Variants in PDGFD observed in about 807,000 individuals in gnomAD.
The protein encoded by PDGFD is platelet derived growth factor D.
In PDGFD, 30 loss-of-function variants were observed where a neutral mutation model predicts 44.7. That is an observed-to-expected ratio of 0.67 (90% CI 0.50 to 0.91). The LOEUF (loss-of-function observed/expected upper bound fraction) is 0.91, where lower values mean the gene tolerates loss of function less well. Among genes scored for constraint, PDGFD ranks in the 40% least tolerant of loss-of-function variants. The pLI, the probability that PDGFD is intolerant of heterozygous loss-of-function variation, is 0.00. For synonymous variants in PDGFD, 173 were observed against 168.4 expected, an observed-to-expected ratio of 1.03 and a Z score of -0.21; for missense variants, 445 against 457.8, an observed-to-expected ratio of 0.97 and a Z score of 0.25.
At chr11:104,105,678 C>T (rs1254779887) in intron 1 of PDGFD, among the ~76,000 whole-genome samples, 1 of 151,486 alleles carries the variant, frequency 6.6e-6, no homozygotes, top group East Asian at 1.9e-4. Context: ...TATAATTCAG[C>T]TGTGAAAGCC....
At chr11:104,132,110 A>G (rs1418119260) in intron 1 of PDGFD, among the ~76,000 whole-genome samples, 1 of 152,142 alleles carries the variant, frequency 6.6e-6, no homozygotes, top group Non-Finnish European at 1.5e-5. Flanking sequence ...AGTGTTAGAT[A>G]AAACTCTCTC....
At chr11:104,093,428 G>T (rs79053873) in intron 1 of PDGFD, among the ~76,000 whole-genome samples, 2 of 151,912 alleles carry the variant, frequency 1.3e-5, no homozygotes, top group Non-Finnish European at 2.9e-5. Flanking sequence ...GGAGCCAAGG[G>T]GTTCCTCTAG....
chr11:104,138,370 T>C (rs144325756), intron 1 of PDGFD, among the ~76,000 whole-genome samples: 42 of 152,354 alleles, frequency 2.8e-4, no homozygotes, highest in African/African-American at 9.1e-4. Context: ...GATTTCACTA[T>C]ATAGCTCATT....
intron 6 of PDGFD, 142 bp from the exon 7 acceptor site, chr11:103,909,961 C>T (rs1858002003): frequency 1.0e-6 from 1 of 953,456 alleles, no homozygotes; most frequent in African/African-American, 1.6e-5. Flanking sequence ...TTAGAATGCA[C>T]ACGTTGCTAT....
intron 1 of PDGFD, among the ~76,000 whole-genome samples, chr11:104,034,482 C>T (rs1860184758): frequency 1.3e-5 from 2 of 152,166 alleles, no homozygotes; most frequent in East Asian, 1.9e-4. Flanking sequence ...ATGTGACTTC[C>T]TTCTCTCCAT....
Position 103,908,786 on chromosome 11 carries a change from T to C in PDGFD, c.*908A>G, listed in dbSNP as rs986769307. ...TTTTAAGTTCTCAACTACCCACATC[T>C]TTCACTGAACACCATCTGGAAAGGT... On this transcript the variant is annotated 3_prime_UTR_variant, in exon 7 of 7. Coordinates refer to ENST00000393158, the MANE Select transcript of PDGFD (RefSeq NM_025208.5). 1.6e-4 allele frequency: 24 copies of C among 152,190 alleles called. No individual in the cohort carries two copies. Among genetic ancestry groups the C allele is most frequent in the African/African-American group, 5.8e-4 (24 of 41,464 alleles). The allele number at this position is 152,190 out of a possible 1,614,324, so 9.4% of individuals were successfully genotyped here. A position where few individuals can be genotyped will look rare whatever the true frequency, so the allele number is the denominator to read the frequency against.
chr11:103,911,509 A>C (rs1485689442), intron 6 of PDGFD, among the ~76,000 whole-genome samples: 5 of 152,138 alleles, frequency 3.3e-5, no homozygotes, highest in Admixed American at 3.3e-4. Flanking sequence ...AATAAAACCA[A>C]AAAGATGGGG....
At chr11:104,036,487 A>C in intron 1 of PDGFD, 1 of 319,120 alleles carries the variant, frequency 3.1e-6, no homozygotes, top group Non-Finnish European at 5.9e-6. Flanking sequence ...TCATGTGTTA[A>C]ATAGGCTTTG....
rs56252161 is a variant in PDGFD, at chr11:103,979,463, A to G, written c.510+16602T>C. On this transcript the variant is annotated intron_variant, in intron 3 of 6. Coordinates refer to ENST00000393158, the MANE Select transcript of PDGFD (RefSeq NM_025208.5). ...TTCAGCTATCACTGATCTTACCACA[A>G]TTGACTCAGGCAACTATCTGGCAGG... is the stretch of plus-strand genomic sequence containing the variant. 2.8e-3 allele frequency among the ~76,000 whole-genome samples: 419 copies of G among 152,230 alleles called. 2 individuals are homozygous for G. Among genetic ancestry groups the G allele is most frequent in the African/African-American group, 7.3e-3 (303 of 41,558 alleles).
intron 3 of PDGFD, among the ~76,000 whole-genome samples, chr11:103,967,836 C>T (rs887990944): frequency 6.6e-6 from 1 of 152,160 alleles, no homozygotes; most frequent in Non-Finnish European, 1.5e-5. Flanking sequence ...TAAAATATTT[C>T]CTTGATTCTA....
At chr11:103,942,726 G>C (rs1232068122) in intron 5 of PDGFD, among the ~76,000 whole-genome samples, 1 of 152,078 alleles carries the variant, frequency 6.6e-6, no homozygotes, top group Non-Finnish European at 1.5e-5. Context: ...TGCCAACACT[G>C]ACATCCCTGG....
At chr11:104,030,557 G>A (rs1400516551) in intron 1 of PDGFD, among the ~76,000 whole-genome samples, 1 of 152,180 alleles carries the variant, frequency 6.6e-6, no homozygotes, top group Non-Finnish European at 1.5e-5. Context: ...TTTTTTGTCA[G>A]TGTGAAGAAA....
chr11:104,122,651 G>A (rs148357174), intron 1 of PDGFD, among the ~76,000 whole-genome samples: 3,824 of 151,892 alleles, frequency 0.025, 76 homozygotes, highest in Non-Finnish European at 0.041. Flanking sequence ...AAGGAACCTC[G>A]GGTATAACCC....
intron 1 of PDGFD, among the ~76,000 whole-genome samples, chr11:104,105,879 C>G (rs557683915): frequency 2.6e-5 from 4 of 152,032 alleles, no homozygotes; most frequent in Admixed American, 2.0e-4. Flanking sequence ...AAGTAAACTT[C>G]TAAGTGTTAT....
intron 3 of PDGFD, among the ~76,000 whole-genome samples, chr11:103,992,567 A>C (rs191394242): frequency 1.3e-5 from 2 of 152,224 alleles, no homozygotes; most frequent in Non-Finnish European, 2.9e-5. Context: ...TCCTGCCTTC[A>C]ATCTAAGGTA....
intron 1 of PDGFD, among the ~76,000 whole-genome samples, chr11:104,012,521 A>G (rs1859799182): frequency 6.6e-6 from 1 of 152,174 alleles, no homozygotes; most frequent in Admixed American, 6.5e-5. Context: ...CATACAACGG[A>G]TGGTGTTTTA....
At chr11:103,928,358 C>T (rs1056136245) in intron 5 of PDGFD, among the ~76,000 whole-genome samples, 5 of 152,210 alleles carry the variant, frequency 3.3e-5, no homozygotes, top group African/African-American at 1.2e-4. Flanking sequence ...CAGAAGGAAT[C>T]CCATGAATGT....
chr11:104,074,229 C>T (rs1860920498), intron 1 of PDGFD, among the ~76,000 whole-genome samples: 1 of 152,212 alleles, frequency 6.6e-6, no homozygotes, highest in Non-Finnish European at 1.5e-5. Context: ...CAGCTGAGAA[C>T]AGTAAAGCCA....
chr11:103,912,703 A>G (rs1290994143), intron 6 of PDGFD, among the ~76,000 whole-genome samples: 1 of 152,190 alleles, frequency 6.6e-6, no homozygotes, highest in Non-Finnish European at 1.5e-5. Flanking sequence ...TAAAGAGTCA[A>G]GACCCATCAG....
Sources: allele counts gnomAD v4.1 joint callset (sites outside exome capture counted in the v4.1 genomes callset), GRCh38; gene constraint gnomAD v4.1.1; transcripts MANE v1.5; gene names NCBI Gene and HGNC (gene_info 2026-07-23, HGNC 2026-07-21).